Variants in MTA3 observed in about 807,000 individuals in gnomAD.
The protein encoded by MTA3 is metastasis-associated protein MTA3.
In MTA3, 34 loss-of-function variants were observed where a neutral mutation model predicts 83.5. That is an observed-to-expected ratio of 0.41 (90% CI 0.31 to 0.54). The LOEUF (loss-of-function observed/expected upper bound fraction) is 0.54, where lower values mean the gene tolerates loss of function less well. Among genes scored for constraint, MTA3 ranks in the 20% least tolerant of loss-of-function variants. MTA3 has a pLI of 0.33. For synonymous variants in MTA3, 303 were observed against 252.7 expected (o/e 1.20, Z -1.89); for missense variants, 761 against 726.4 (o/e 1.05, Z -0.55).
intron 16 of MTA3, among the ~76,000 whole-genome samples, chr2:42,725,634 C>T (rs575267605): frequency 3.8e-4 from 58 of 152,308 alleles, no homozygotes; most frequent in East Asian, 1.9e-3. Flanking sequence ...AGAGCCAGAA[C>T]GCAACCCAGA....
chr2:42,606,222 A>T (rs1683374170), intron 3 of MTA3, among the ~76,000 whole-genome samples: 1 of 133,028 alleles, frequency 7.5e-6, no homozygotes, highest in African/African-American at 2.9e-5. Context: ...TCCCTCCCGG[A>T]CGGGGTGGCT....
chr2:42,723,598 C>T (rs1351936633), intron 16 of MTA3, among the ~76,000 whole-genome samples: 2 of 152,218 alleles, frequency 1.3e-5, no homozygotes, highest in African/African-American at 4.8e-5. Flanking sequence ...AAGTACTTCT[C>T]TTGGGCTTGG....
intron 6 of MTA3, among the ~76,000 whole-genome samples, chr2:42,650,002 A>C (rs1688563062): frequency 6.6e-6 from 1 of 152,134 alleles, no homozygotes; most frequent in African/African-American, 2.4e-5. Flanking sequence ...CAACTCTCCT[A>C]GGTTTTGAGA....
chr2:42,753,825 G>A lies in MTA3; in HGVS notation c.*426G>A. The A allele has an allele frequency of 1.0e-6, 1 of 996,482 alleles. No homozygotes were observed. Among genetic ancestry groups the A allele is most frequent in the Non-Finnish European group, 1.2e-6 (1 of 837,184 alleles). 61.7% of individuals were successfully genotyped at this position (996,482 alleles called of 1,614,324 possible). A position where few individuals can be genotyped will look rare whatever the true frequency, so the allele number is the denominator to read the frequency against. On this transcript the variant is annotated 3_prime_UTR_variant, in exon 17 of 17. Transcript: ENST00000405094. ...GCTGTATAGTTACTAAATATGTACA[G>A]GAGGGCCATGGCATCTTTCTGAATG...
intron 16 of MTA3, among the ~76,000 whole-genome samples, chr2:42,744,695 C>T (rs761308097): frequency 1.3e-5 from 2 of 151,994 alleles, no homozygotes; most frequent in South Asian, 2.1e-4. Context: ...GCAGAGGGAG[C>T]GGATTAGGTA....
chr2:42,751,875 A>G (rs1669898665), intron 16 of MTA3, among the ~76,000 whole-genome samples: 1 of 152,248 alleles, frequency 6.6e-6, no homozygotes, highest in Middle Eastern at 3.4e-3. Flanking sequence ...CACTTACATA[A>G]CCTTCCATTT....
intron 2 of MTA3, among the ~76,000 whole-genome samples, chr2:42,522,324 T>A (rs1185042077): frequency 1.3e-5 from 2 of 152,176 alleles, no homozygotes; most frequent in Admixed American, 1.3e-4. Flanking sequence ...ATCAGAGCAC[T>A]GTGGCATCCC....
chr2:42,645,615 T>C (rs772016625), intron 6 of MTA3, among the ~76,000 whole-genome samples: 4 of 152,090 alleles, frequency 2.6e-5, no homozygotes, highest in African/African-American at 4.8e-5. Flanking sequence ...GTGGCGTAGA[T>C]AGAATATCAA....
intron 2 of MTA3, among the ~76,000 whole-genome samples, chr2:42,515,443 C>A (rs184456065): frequency 4.6e-5 from 7 of 152,264 alleles, no homozygotes; most frequent in Middle Eastern, 3.4e-3. Context: ...CTCAACTTCC[C>A]GAGTAGCTGA....
intron 8 of MTA3, among the ~76,000 whole-genome samples, chr2:42,676,500 T>A (rs948629867): frequency 2.0e-5 from 3 of 152,232 alleles, no homozygotes; most frequent in Non-Finnish European, 4.4e-5. Flanking sequence ...ATGCAGTGGC[T>A]CATGCTTGTA....
chr2:42,502,710 T>C (rs1490352386), intron 2 of MTA3, among the ~76,000 whole-genome samples: 3 of 148,384 alleles, frequency 2.0e-5, no homozygotes, highest in African/African-American at 7.6e-5. Context: ...GGCAGGAGAA[T>C]CACTTGAACC....
In MTA3 at chr2:42,709,036, C is replaced by T. The variant is rs1048619365; in HGVS notation, c.1465C>T (p.Leu489=). The part of the protein sequence containing the change: ...ARQVCKNTLR[L]RQAARRPFVA... ...TCAGGTCTGCAAAAATACCCTCCGGCTGCGGCAGGCAGCAAGACGGCCGTT... is the reference window on the plus strand; with the variant it reads ...TCAGGTCTGCAAAAATACCCTCCGGTTGCGGCAGGCAGCAAGACGGCCGTT... The change falls in exon 14 of 17, where the codon CTG becomes TTG. Residue 489 remains leucine (L), a synonymous_variant. Coordinates refer to ENST00000405094, the MANE Select transcript of MTA3 (RefSeq NM_001330442.2). The T allele has an allele frequency of 6.2e-7, 1 of 1,613,912 alleles. No individual in the cohort carries two copies. Among genetic ancestry groups the T allele is most frequent in the Admixed American group, 1.7e-5 (1 of 60,016 alleles).
At chr2:42,660,718 T>A (rs1689614191) in intron 8 of MTA3, among the ~76,000 whole-genome samples, 1 of 152,258 alleles carries the variant, frequency 6.6e-6, no homozygotes, top group East Asian at 1.9e-4. Context: ...TAACAAAAGT[T>A]TCAATATTGT....
At chr2:42,509,788 C>CA (rs1015550458) in intron 2 of MTA3, among the ~76,000 whole-genome samples, 1 of 151,034 alleles carries the variant, frequency 6.6e-6, no homozygotes, top group African/African-American at 2.4e-5. Context: ...AAAAACAAAA[C>CA]AAAAAAAAGT....
intron 4 of MTA3, among the ~76,000 whole-genome samples, chr2:42,634,952 T>C (rs1055343863): frequency 1.3e-5 from 2 of 152,232 alleles, no homozygotes; most frequent in Non-Finnish European, 2.9e-5. Context: ...ATGTATTCTT[T>C]CTTGTATAAA....
At chr2:42,560,330 T>C (rs1174091789) in intron 2 of MTA3, among the ~76,000 whole-genome samples, 3 of 150,494 alleles carry the variant, frequency 2.0e-5, no homozygotes, top group Admixed American at 6.7e-5. Context: ...TAAAACTGCG[T>C]CACTGGCAAG....
chr2:42,632,457 T>TGA (rs1425581511), intron 4 of MTA3, among the ~76,000 whole-genome samples: 1 of 152,138 alleles, frequency 6.6e-6, no homozygotes, highest in Non-Finnish European at 1.5e-5. Context: ...GTGGAACCTC[T>TGA]GAGAGATTTT....
At chr2:42,535,115 G>A (rs572447531) in intron 2 of MTA3, among the ~76,000 whole-genome samples, 5 of 151,952 alleles carry the variant, frequency 3.3e-5, no homozygotes, top group Admixed American at 6.6e-5. Context: ...GGCTGGGCGC[G>A]GTGGCTCACG....
intron 2 of MTA3, among the ~76,000 whole-genome samples, chr2:42,502,846 C>T (rs1207117649): frequency 1.7e-4 from 25 of 150,912 alleles, no homozygotes; most frequent in Admixed American, 1.6e-3. Context: ...GCCTGTAATC[C>T]CAGCTATTCA....
Sources: gnomAD v4.1 joint callset for allele counts (sites outside exome capture counted in the v4.1 genomes callset) on GRCh38, gnomAD v4.1.1 for gene constraint, MANE v1.5 for transcripts, NCBI Gene and HGNC (gene_info 2026-07-23, HGNC 2026-07-21) for gene names.